CTH: variants seen among roughly 807,000 people sequenced by gnomAD.
CTH encodes the protein cystathionine gamma-lyase.
A neutral mutation model predicts 50.6 loss-of-function variants in CTH; 41 were observed. That is an observed-to-expected ratio of 0.81 (90% CI 0.63 to 1.05). The LOEUF is 1.05. Ranked by LOEUF, CTH falls within the 50% of genes least tolerant of loss-of-function variation. The probability of loss-of-function intolerance (pLI) is 0.00; values close to 1 mark genes in which losing one functional copy is unlikely to be tolerated. For synonymous variants in CTH, 156 were observed against 168.9 expected, an observed-to-expected ratio of 0.92 and a Z score of 0.59; for missense variants, 470 against 492.6, an observed-to-expected ratio of 0.95 and a Z score of 0.43.
chr1:70,421,274 A>G (rs1684213542), intron 3 of CTH, among the ~76,000 whole-genome samples: 1 of 152,194 alleles, frequency 6.6e-6, no homozygotes, highest in East Asian at 1.9e-4. Context: ...ATGATGTTTC[A>G]GGAAGCATGT....
chr1:70,435,311 C>A, intron 10 of CTH, 134 bp downstream of exon 10: 1 of 839,408 alleles, frequency 1.2e-6, no homozygotes, highest in Non-Finnish European at 1.9e-6. Flanking sequence ...TCAGAATGGA[C>A]TCTAACCCTG....
intron 4 of CTH, among the ~76,000 whole-genome samples, chr1:70,423,096 TA>T (rs1312161254): frequency 1.4e-4 from 21 of 152,296 alleles, no homozygotes; most frequent in African/African-American, 5.1e-4. Flanking sequence ...TGGTAATTTT[TA>T]TTTTTTTTAT....
At chr1:70,431,781 A>G (rs954468983) in intron 7 of CTH, among the ~76,000 whole-genome samples, 1 of 152,200 alleles carries the variant, frequency 6.6e-6, no homozygotes, top group African/African-American at 2.4e-5. Context: ...GCTATGAACA[A>G]TTTATGATTT....
chr1:70,428,020 G>A (rs770711414), intron 5 of CTH, among the ~76,000 whole-genome samples: 2 of 150,608 alleles, frequency 1.3e-5, no homozygotes, highest in African/African-American at 2.4e-5. Flanking sequence ...GCTTGACAGT[G>A]TTTTATTAAG....
chr1:70,430,729 G>A (rs1220731232), intron 7 of CTH, among the ~76,000 whole-genome samples: 1 of 151,502 alleles, frequency 6.6e-6, no homozygotes, highest in Non-Finnish European at 1.5e-5. Context: ...TTTTAGTAGA[G>A]ACGGGGTTTC....
In CTH at chr1:70,430,376, CT is replaced by C; in HGVS notation, c.708del (p.Arg237ValfsTer23). ...TAATTGTGAAAGCCTTCATAATAGA[CT>C]TCGTTTCTTGCAAAACTGTAAGTAT... ...SVNCESLHNR[L>X]RFLQNSLGAV... On this transcript the variant is annotated frameshift_variant, in exon 7 of 12. Transcript: ENST00000370938. LOFTEE classifies it high-confidence loss of function. 6.3e-7 allele frequency: 1 copy of C among 1,578,144 alleles called. No individual in the cohort carries two copies.
At chr1:70,424,247 A>AT (rs1378167819) in intron 4 of CTH, 38 bp from the exon 5 acceptor site, 1 of 1,613,532 alleles carries the variant, frequency 6.2e-7, no homozygotes, top group African/African-American at 1.3e-5. Context: ...TGTAAAGTAT[A>AT]TTTTTACAAA....
chr1:70,437,386 G>C (rs1329213346), intron 10 of CTH, among the ~76,000 whole-genome samples: 2 of 152,098 alleles, frequency 1.3e-5, no homozygotes, highest in Admixed American at 1.3e-4. Flanking sequence ...CTTTAAGACA[G>C]GTGTTATATC....
At chr1:70,431,672 G>T (rs1285284825) in intron 7 of CTH, among the ~76,000 whole-genome samples, 1 of 152,134 alleles carries the variant, frequency 6.6e-6, no homozygotes, top group Non-Finnish European at 1.5e-5. Flanking sequence ...TTGCACAAAG[G>T]CTAAATAGAA....
intron 3 of CTH, among the ~76,000 whole-genome samples, chr1:70,421,121 T>G (rs1454082086): frequency 1.3e-5 from 2 of 152,210 alleles, no homozygotes; most frequent in African/African-American, 2.4e-5. Flanking sequence ...CAGAACTACA[T>G]AACAAAAAGA....
chr1:70,416,357 A>G (rs1327793267), intron 2 of CTH, among the ~76,000 whole-genome samples: 1 of 152,104 alleles, frequency 6.6e-6, no homozygotes, highest in Non-Finnish European at 1.5e-5. Flanking sequence ...TAAATAAATA[A>G]ATGGAAATTA....
chr1:70,415,813 GTTCTGC>G (rs1684078139), intron 1 of CTH, 137 bp from the exon 2 acceptor site: 1 of 685,100 alleles, frequency 1.5e-6, no homozygotes, highest in Non-Finnish European at 2.7e-6. Flanking sequence ...CCACAGCACT[GTTCTGC>G]TTCTGTATTA....
At chr1:70,426,720 A>G (rs1269998316) in intron 5 of CTH, among the ~76,000 whole-genome samples, 2 of 152,120 alleles carry the variant, frequency 1.3e-5, no homozygotes, top group Non-Finnish European at 2.9e-5. Context: ...ATCTTCTGGC[A>G]TTGTCTATTT....
intron 2 of CTH, 149 bp from the exon 3 acceptor site, chr1:70,417,788 A>T: frequency 1.4e-6 from 1 of 703,666 alleles, no homozygotes; most frequent in Non-Finnish European, 2.4e-6. Context: ...AGAAAAGGAG[A>T]TTTTGTAATG....
intron 1 of CTH, 135 bp from the exon 2 acceptor site, chr1:70,415,821 T>C: frequency 1.4e-6 from 1 of 693,992 alleles, no homozygotes; most frequent in Non-Finnish European, 2.7e-6. Flanking sequence ...CTGTTCTGCT[T>C]CTGTATTAAA....
At chr1:70,437,193 C>T (rs1265637769) in intron 10 of CTH, among the ~76,000 whole-genome samples, 1 of 152,164 alleles carries the variant, frequency 6.6e-6, no homozygotes, top group Non-Finnish European at 1.5e-5. Context: ...CTACATAGCT[C>T]TTAGGTTTGT....
At chr1:70,424,000 A>T (rs1410214165) in intron 4 of CTH, among the ~76,000 whole-genome samples, 3 of 152,174 alleles carry the variant, frequency 2.0e-5, no homozygotes, top group Admixed American at 1.3e-4. Flanking sequence ...ACAATAATTA[A>T]CTTTAGTACT....
chr1:70,431,215 G>A (rs886806466), intron 7 of CTH: 4 of 152,014 alleles, frequency 2.6e-5, no homozygotes. Context: ...GCATAGCAAG[G>A]CTTTATGATA....
Position 70,433,890 on chromosome 1 carries a change from G to A in CTH, c.940G>A (p.Val314Ile). 1 of 1,614,070 alleles carries A rather than the reference G, an allele frequency of 6.2e-7. No individual in the cohort carries two copies. Among genetic ancestry groups the A allele is most frequent in the Non-Finnish European group, 8.5e-7 (1 of 1,179,984 alleles). Residue 314 changes from valine to isoleucine, a missense_variant, in exon 9 of 12, where the codon GTC becomes ATC. By Grantham distance (29) the Val-to-Ile change is conservative. Transcript: ENST00000370938. ...TCAGTGTACAGGTTGTACAGGGATG[G>A]TCACCTTTTATATTAAGGGCACTCT... ...KRQCTGCTGM[V>I]TFYIKGTLQH...
Sources: gnomAD v4.1 joint callset for allele counts (sites outside exome capture counted in the v4.1 genomes callset) on GRCh38, gnomAD v4.1.1 for gene constraint, MANE v1.5 for transcripts, NCBI Gene and HGNC (gene_info 2026-07-23, HGNC 2026-07-21) for gene names.